Variants in PCDH15 observed in about 807,000 individuals in gnomAD.
PCDH15 encodes protocadherin related 15, also known as protocadherin-15.
Under a neutral mutation model 178.5 loss-of-function variants are expected in PCDH15, and 129 were observed. That is an observed-to-expected ratio of 0.72 (90% CI 0.63 to 0.84). The LOEUF (loss-of-function observed/expected upper bound fraction) is 0.84, where lower values mean the gene tolerates loss of function less well. Ranked by LOEUF, PCDH15 falls within the 40% of genes least tolerant of loss-of-function variation. The pLI, the probability that PCDH15 is intolerant of heterozygous loss-of-function variation, is 0.00. For missense variants in PCDH15, 2,230 were observed against 2,099.9 expected (o/e 1.06, Z -1.21); for synonymous variants, 800 against 732.0 (o/e 1.09, Z -1.50).
intron 8 of PCDH15, among the ~76,000 whole-genome samples, chr10:54,268,081 A>T (rs551757552): frequency 1.9e-4 from 29 of 152,066 alleles, no homozygotes; most frequent in Non-Finnish European, 2.8e-4. Flanking sequence ...AAAAATAGAC[A>T]CATAGACCAA....
At chr10:55,532,439 C>T (rs1841475391) in intron 2 of PCDH15, among the ~76,000 whole-genome samples, 1 of 152,006 alleles carries the variant, frequency 6.6e-6, no homozygotes, top group Non-Finnish European at 1.5e-5. Flanking sequence ...ATTTAACAAA[C>T]ATTTTCTGAG....
At chr10:54,999,402 C>T (rs2384589) in intron 2 of PCDH15, among the ~76,000 whole-genome samples, 60,015 of 152,066 alleles carry the variant, frequency 0.39, 13,687 homozygotes, top group East Asian at 0.5. Flanking sequence ...TATTTATGTT[C>T]AAGGTAACTT....
intron 1 of PCDH15, among the ~76,000 whole-genome samples, chr10:54,779,481 T>TATATGTGTATATACACACACAC (rs1566222419): frequency 1.3e-5 from 1 of 74,246 alleles, no homozygotes; most frequent in African/African-American, 5.5e-5. Context: ...TATACACACA[T>TATATGTGTATATACACACACAC]ATATATGTAT....
rs78824000 is a variant in PCDH15, at chr10:54,740,884, T to C, written c.-29+60041A>G. On this transcript the variant is annotated intron_variant, in intron 1 of 37. Coordinates refer to ENST00000644397, the MANE Select transcript of PCDH15 (RefSeq NM_001384140.1). ...GGGCTGGCAAGGGTAGGGTAGAGGA[T>C]GGATGAAGAAAGATTGGTTAATGGA... 9.9e-5 allele frequency among the ~76,000 whole-genome samples: 15 copies of C among 151,942 alleles called. No individual in the cohort carries two copies. In the East Asian group the frequency reaches 2.5e-3, roughly 26 times the overall value.
At chr10:55,136,923 G>A (rs1299962852) in intron 2 of PCDH15, among the ~76,000 whole-genome samples, 1 of 152,022 alleles carries the variant, frequency 6.6e-6, no homozygotes, top group Non-Finnish European at 1.5e-5. Flanking sequence ...CCTCCAATAC[G>A]CAGAAAAATA....
intron 2 of PCDH15, among the ~76,000 whole-genome samples, chr10:55,085,751 G>A (rs1185565702): frequency 6.6e-6 from 1 of 151,776 alleles, no homozygotes; most frequent in African/African-American, 2.4e-5. Flanking sequence ...AGCAAGTTTA[G>A]AAGTAGTTAC....
rs142498545 is a variant in PCDH15 at position 55,290,075 on chromosome 10, T to G, written c.-156+29524A>C. Among the ~76,000 whole-genome samples the G allele has an allele frequency of 2.7e-4, 41 of 151,986 alleles. 1 individual carries two copies. In the East Asian group the frequency reaches 7.3e-3, roughly 27 times the overall value. On this transcript the variant is annotated intron_variant, in intron 1 of 5. Coordinates refer to the PCDH15 transcript ENST00000458638. Reference sequence around the variant, plus strand: ...ACTGTAATAAATAAATTTTTCTTTATAAACTACCCAGTCTATGATATTTTG... The same window carrying G: ...ACTGTAATAAATAAATTTTTCTTTAGAAACTACCCAGTCTATGATATTTTG...
At chr10:55,323,865 T>C (rs969756845), upstream of PCDH15, among the ~76,000 whole-genome samples, 2 of 152,026 alleles carry the variant, frequency 1.3e-5, no homozygotes, top group African/African-American at 4.8e-5. Context: ...TTAGGAGGTG[T>C]TGGGGTAGAA....
At chr10:55,485,421 C>G (rs910225419) in intron 2 of PCDH15, among the ~76,000 whole-genome samples, 1 of 151,590 alleles carries the variant, frequency 6.6e-6, no homozygotes, top group Non-Finnish European at 1.5e-5. Flanking sequence ...ACATGCTCAT[C>G]ATCACAAACA....
intron 1 of PCDH15, among the ~76,000 whole-genome samples, chr10:55,284,162 G>A (rs1223038768): frequency 6.6e-6 from 1 of 152,082 alleles, no homozygotes; most frequent in Non-Finnish European, 1.5e-5. Context: ...TCGTTCTTTT[G>A]TGAGTTATGT....
Position 53,955,189 on chromosome 10 carries a change from C to T in PCDH15, c.3122+4543G>A, listed in dbSNP as rs114267903. Among the ~76,000 whole-genome samples the T allele has an allele frequency of 5.6e-3, 857 of 152,278 alleles. 11 individuals carry two copies. The highest frequency in any genetic ancestry group is 0.02 in the African/African-American group (815 of 41,558). ...GGTTAAGGAAATCTCTAGATGTGGACTTCTGTCTGGTTTCCCCTTTCTGCT... is the reference window on the plus strand; with the variant it reads ...GGTTAAGGAAATCTCTAGATGTGGATTTCTGTCTGGTTTCCCCTTTCTGCT... On this transcript the variant is annotated intron_variant, in intron 23 of 37. Coordinates refer to ENST00000644397, the MANE Select transcript of PCDH15 (RefSeq NM_001384140.1).
At chr10:53,903,567 T>C (rs1477075836) in intron 25 of PCDH15, among the ~76,000 whole-genome samples, 197 bp from the exon 26 acceptor site, 2 of 152,162 alleles carry the variant, frequency 1.3e-5, no homozygotes. Flanking sequence ...GTTAAGTTGC[T>C]GTTATTTCTT....
Position 54,020,342 on chromosome 10 carries a change from T to C in PCDH15, c.2601A>G (p.Leu867=), listed in dbSNP as rs1393762205. The C allele has an allele frequency of 1.2e-6, 2 of 1,613,832 alleles. No homozygotes were observed. Among genetic ancestry groups the C allele is most frequent in the South Asian group, 1.1e-5 (1 of 91,076 alleles). ...RSPEVKHFFA[L]HPFTGELSLL... The stretch of plus-strand genomic sequence containing the variant: ...GCGATAGTTCTCCTGTAAATGGATG[T>C]AGTGCAAAAAAGTGCTTCACTTCTG... Residue 867 remains leucine, a synonymous_variant, in exon 20 of 38, where the codon CTA becomes CTG. Coordinates refer to ENST00000644397, the MANE Select transcript of PCDH15 (RefSeq NM_001384140.1).
At chr10:55,026,822 A>T (rs942189613) in intron 2 of PCDH15, among the ~76,000 whole-genome samples, 1 of 152,020 alleles carries the variant, frequency 6.6e-6, no homozygotes, top group Non-Finnish European at 1.5e-5. Context: ...AGTTAGAAGA[A>T]GTTTAAAACA....
chr10:54,842,470 A>G (rs1953436896), intron 3 of PCDH15, among the ~76,000 whole-genome samples: 1 of 151,916 alleles, frequency 6.6e-6, no homozygotes. Flanking sequence ...AAAACTCAGG[A>G]GGAAACCTTG....
intron 18 of PCDH15, among the ~76,000 whole-genome samples, chr10:54,034,369 A>T (rs2093368753): frequency 6.6e-6 from 1 of 151,876 alleles, no homozygotes; most frequent in Non-Finnish European, 1.5e-5. Flanking sequence ...TATAGGTTCC[A>T]GTTTTATTTT....
chr10:54,188,453 G>A (rs1047514241), intron 11 of PCDH15, among the ~76,000 whole-genome samples: 1 of 151,662 alleles, frequency 6.6e-6, no homozygotes, highest in African/African-American at 2.4e-5. Context: ...TAAATCAATA[G>A]GTACACAGAG....
At chr10:54,564,982 C>T (rs2088804558) in intron 2 of PCDH15, among the ~76,000 whole-genome samples, 1 of 152,040 alleles carries the variant, frequency 6.6e-6, no homozygotes, top group Non-Finnish European at 1.5e-5. Context: ...TCAGCAATGT[C>T]AAGAGAAAGG....
chr10:53,999,771 T>G (rs1216305210), intron 20 of PCDH15, among the ~76,000 whole-genome samples: 2 of 152,086 alleles, frequency 1.3e-5, no homozygotes, highest in Admixed American at 1.3e-4. Flanking sequence ...GCCTGGGAGA[T>G]TTTTGCCACC....
Sources: gnomAD v4.1 joint callset for allele counts (sites outside exome capture counted in the v4.1 genomes callset) on GRCh38, gnomAD v4.1.1 for gene constraint, MANE v1.5 for transcripts, NCBI Gene and HGNC (gene_info 2026-07-23, HGNC 2026-07-21) for gene names.